Variants in EN1 observed in about 807,000 individuals in gnomAD.
EN1 encodes the protein engrailed homeobox 1.
Under a neutral mutation model 22.9 loss-of-function variants are expected in EN1, and 8 were observed. That is an observed-to-expected ratio of 0.35 (90% CI 0.20 to 0.63). The LOEUF (loss-of-function observed/expected upper bound fraction) is 0.63, where lower values mean the gene tolerates loss of function less well. Ranked by LOEUF, EN1 falls within the 20% of genes least tolerant of loss-of-function variation. The pLI is 0.73. For missense variants in EN1, 521 were observed against 572.1 expected, an observed-to-expected ratio of 0.91 and a Z score of 0.91; for synonymous variants, 287 against 262.5, an observed-to-expected ratio of 1.09 and a Z score of -0.90.
At chr2:118,844,821 C>A (rs1678244148) in intron 1 of EN1, among the ~76,000 whole-genome samples, 1 of 152,202 alleles carries the variant, frequency 6.6e-6, no homozygotes, top group Non-Finnish European at 1.5e-5. Flanking sequence ...GGAGCTGGTC[C>A]CCTACCTACC....
rs1296331242 is a variant in EN1 at position 118,842,539 on chromosome 2, A to C, written c.*399T>G. The C allele has an allele frequency of 6.6e-6, 1 of 152,108 alleles. No individual in the cohort carries two copies. The highest frequency in any genetic ancestry group is 1.5e-5 in the Non-Finnish European group (1 of 68,042). The allele number at this position is 152,108 out of a possible 1,614,324, so 9.4% of individuals were successfully genotyped here. A position where few individuals can be genotyped will look rare whatever the true frequency, so the allele number is the denominator to read the frequency against. ...AGGGGATAAAATAATTATAATAATT[A>C]TAATAATTATAACAATAATAATAAA... On this transcript the variant is annotated 3_prime_UTR_variant, in exon 2 of 2. Transcript: ENST00000295206.
rs1163612238 is a variant in EN1 at position 118,842,986 on chromosome 2, C to G, written c.1131G>C (p.Leu377=). The G allele has an allele frequency of 4.3e-6, 7 of 1,614,020 alleles. No individual in the cohort carries two copies. Among genetic ancestry groups the G allele is most frequent in the Non-Finnish European group, 5.9e-6 (7 of 1,180,026 alleles). ...GLALHLMAQG[L]YNHSTTTVQD... ...GGACCGTGGTGGTGGAGTGGTTGTA[C>G]AGTCCCTGGGCCATGAGGTGCAGCG... The change falls in exon 2 of 2, where the codon CTG becomes CTC. Residue 377 remains leucine, a synonymous_variant. Transcript: ENST00000295206.
chr2:118,846,193 TGA>T lies in EN1; in HGVS notation c.862+111_862+112del. On this transcript the variant is annotated intron_variant, in intron 1 of 1. Coordinates refer to ENST00000295206, the MANE Select transcript of EN1 (RefSeq NM_001426.4). This position sits in a 1 kb window ranked among gnomAD's most constrained non-coding sequence, Gnocchi z 5.0. ...TGGAACTGGGGTGAGGAAGCAGGCG[TGA>T]GAGACTGGAGTACCCGAGGCCGGGT... 1 of 1,468,022 alleles carries T rather than the reference TGA, an allele frequency of 6.8e-7. No individual in the cohort carries two copies. Among genetic ancestry groups the T allele is most frequent in the South Asian group, 1.3e-5 (1 of 79,294 alleles). The allele number at this position is 1,468,022 out of a possible 1,614,324, so 90.9% of individuals were successfully genotyped here.
At chr2:118,845,944 C>T (rs1010050815) in intron 1 of EN1, among the ~76,000 whole-genome samples, 6 of 152,338 alleles carry the variant, frequency 3.9e-5, no homozygotes, top group African/African-American at 1.2e-4. Context: ...AGACACACAT[C>T]ACTAGGCCCA....
rs1406896170 is a variant in EN1, at chr2:118,842,927, G to T, written c.*11C>A. On this transcript the variant is annotated 3_prime_UTR_variant, in exon 2 of 2. Coordinates refer to ENST00000295206, the MANE Select transcript of EN1 (RefSeq NM_001426.4). ...GGGAGGGGGCGCGGGCGCGGCCCCGGCCTGTGGCGGCTACTCGCTCTCGTC... is the reference window on the plus strand; with the variant it reads ...GGGAGGGGGCGCGGGCGCGGCCCCGTCCTGTGGCGGCTACTCGCTCTCGTC... The T allele has an allele frequency of 1.3e-6, 2 of 1,597,798 alleles. No individual in the cohort carries two copies. Among genetic ancestry groups the T allele is most frequent in the East Asian group, 2.2e-5 (1 of 44,462 alleles).
chr2:118,842,561 T>C lies in EN1; in HGVS notation c.*377A>G, dbSNP rs1470944521. The C allele has an allele frequency of 6.5e-6, 1 of 154,682 alleles. No individual in the cohort carries two copies. Among genetic ancestry groups the C allele is most frequent in the Non-Finnish European group, 1.4e-5 (1 of 69,578 alleles). 9.6% of individuals were successfully genotyped at this position (154,682 alleles called of 1,614,324 possible). A position where few individuals can be genotyped will look rare whatever the true frequency, so the allele number is the denominator to read the frequency against. ...ATTATAATAATTATAACAATAATAA[T>C]AAAGGAGATTAATAAAAATGTCCAG... On this transcript the variant is annotated 3_prime_UTR_variant, in exon 2 of 2. Coordinates refer to ENST00000295206, the MANE Select transcript of EN1 (RefSeq NM_001426.4).
At position 118,843,258 on chromosome 2, in the gene EN1, C is replaced by A. The variant is rs764066167; in HGVS notation, c.863-4G>T. On this transcript the variant is annotated splice_polypyrimidine_tract_variant and splice_region_variant and intron_variant, in intron 1 of 1. Transcript: ENST00000295206. ...TTCAGCTTCCTGGTGCGCGGACCTG[C>A]AGCGGCGGAGAGGGCCGGGGTGGGG... is the stretch of plus-strand genomic sequence containing the variant. 6.6e-5 allele frequency: 80 copies of A among 1,216,550 alleles called. No individual in the cohort carries two copies. In the East Asian group the frequency reaches 2.4e-3, roughly 37 times the overall value. The allele number at this position is 1,216,550 out of a possible 1,614,324, so 75.4% of individuals were successfully genotyped here.
Position 118,847,310 on chromosome 2 carries a change from G to A in EN1, c.-143C>T. On this transcript the variant is annotated 5_prime_UTR_variant, in exon 1 of 2. Coordinates refer to ENST00000295206, the MANE Select transcript of EN1 (RefSeq NM_001426.4). ...TCAGCGAAGGCACGGGGCGGGTGCAGGAAAAAAGCTCAGGCGTCTGGCCTG... is the reference window on the plus strand; with the variant it reads ...TCAGCGAAGGCACGGGGCGGGTGCAAGAAAAAAGCTCAGGCGTCTGGCCTG... The A allele has an allele frequency of 2.5e-6, 1 of 404,432 alleles. No individual in the cohort carries two copies. Among genetic ancestry groups the A allele is most frequent in the Non-Finnish European group, 4.3e-6 (1 of 230,908 alleles). The allele number at this position is 404,432 out of a possible 1,614,324, so 25.1% of individuals were successfully genotyped here.
chr2:118,843,171 G>T lies in EN1; in HGVS notation c.946C>A (p.Gln316Lys). Residue 316 changes from glutamine (Q) to lysine (K), a missense_variant, in exon 2 of 2, where the codon CAG becomes AAG. Gln to Lys is a moderately conservative substitution (Grantham distance 53, BLOSUM62 1). This residue lies in a region of EN1 where 50 missense variants were observed against 121.8 expected (regional missense o/e 0.41). Transcript: ENST00000295206. The stretch of plus-strand genomic sequence containing the variant: ...GCCTGGAACTCCGCCTTGAGTCTCT[G>T]CAGCTGCTCGGCCGTGAACGCGGTC... ...PRTAFTAEQL[Q>K]RLKAEFQANR... 1 of 1,607,370 alleles carries T rather than the reference G, an allele frequency of 6.2e-7. No individual in the cohort carries two copies. Among genetic ancestry groups the T allele is most frequent in the East Asian group, 2.2e-5 (1 of 44,632 alleles).
rs912738751 is a variant in EN1, at chr2:118,842,890, G to A, written c.*48C>T. On this transcript the variant is annotated 3_prime_UTR_variant, in exon 2 of 2. Transcript: ENST00000295206. The stretch of plus-strand genomic sequence containing the variant: ...CCCCAGCGAGGGGCCGGGAGACGAC[G>A]GCGGCGGTGCCGGGAGGGGGCGCGG... 18 of 1,563,118 alleles carry A rather than the reference G, an allele frequency of 1.2e-5. No individual in the cohort carries two copies. The highest frequency in any genetic ancestry group is 5.4e-5 in the African/African-American group (4 of 73,402).
chr2:118,847,303 G>T lies in EN1; in HGVS notation c.-136C>A. The T allele has an allele frequency of 2.5e-6, 1 of 406,896 alleles. No individual in the cohort carries two copies. The highest frequency in any genetic ancestry group is 4.3e-6 in the Non-Finnish European group (1 of 232,652). 25.2% of individuals were successfully genotyped at this position (406,896 alleles called of 1,614,324 possible). On this transcript the variant is annotated 5_prime_UTR_variant, in exon 1 of 2. Coordinates refer to ENST00000295206, the MANE Select transcript of EN1 (RefSeq NM_001426.4). Reference sequence around the variant, plus strand: ...CGAAGCCTCAGCGAAGGCACGGGGCGGGTGCAGGAAAAAAGCTCAGGCGTC... The same window carrying T: ...CGAAGCCTCAGCGAAGGCACGGGGCTGGTGCAGGAAAAAAGCTCAGGCGTC...
chr2:118,843,252 G>C lies in EN1; in HGVS notation c.865C>G (p.Pro289Ala). ...TTCTTCTTCAGCTTCCTGGTGCGCGGACCTGCAGCGGCGGAGAGGGCCGGG... is the reference window on the plus strand; with the variant it reads ...TTCTTCTTCAGCTTCCTGGTGCGCGCACCTGCAGCGGCGGAGAGGGCCGGG... ...TRYSDRPSSG[P>A]RTRKLKKKKN... The change falls in exon 2 of 2, where the codon CCG (proline) becomes GCG (alanine). Residue 289 changes from proline to alanine, a missense_variant and splice_region_variant. Coordinates refer to ENST00000295206, the MANE Select transcript of EN1 (RefSeq NM_001426.4). The C allele has an allele frequency of 8.6e-7, 1 of 1,163,098 alleles. No individual in the cohort carries two copies. Among genetic ancestry groups the C allele is most frequent in the Non-Finnish European group, 1.1e-6 (1 of 876,898 alleles). 72.0% of individuals were successfully genotyped at this position (1,163,098 alleles called of 1,614,324 possible). A position where few individuals can be genotyped will look rare whatever the true frequency, so the allele number is the denominator to read the frequency against.
intron 1 of EN1, among the ~76,000 whole-genome samples, chr2:118,845,522 G>A (rs891609474): frequency 6.6e-6 from 1 of 152,232 alleles, no homozygotes; most frequent in Non-Finnish European, 1.5e-5. Flanking sequence ...AGCGCCGCGC[G>A]GGGAGGATGC....
In EN1 at chr2:118,847,176, G is replaced by A; in HGVS notation, c.-9C>T. The stretch of plus-strand genomic sequence containing the variant: ...GGCTGCTGTTCTTCCATGCTCGGCC[G>A]CCCCGCCGCCCCGGCCGCCGCGCCG... On this transcript the variant is annotated 5_prime_UTR_variant, in exon 1 of 2. Coordinates refer to ENST00000295206, the MANE Select transcript of EN1 (RefSeq NM_001426.4). 3 of 839,378 alleles carry A rather than the reference G, an allele frequency of 3.6e-6. No homozygotes were observed. The highest frequency in any genetic ancestry group is 1.7e-6 in the Non-Finnish European group (1 of 597,914). 52.0% of individuals were successfully genotyped at this position (839,378 alleles called of 1,614,324 possible).
Position 118,845,220 on chromosome 2 carries a change from G to C in EN1, c.862+1086C>G, listed in dbSNP as rs529619473. ...GATCCGCGCCCGGCCGGCAGCTGTG[G>C]GGCGGCGAGAGACCAGCCAGAGGAA... On this transcript the variant is annotated intron_variant, in intron 1 of 1. Coordinates refer to ENST00000295206, the MANE Select transcript of EN1 (RefSeq NM_001426.4). 9.8e-5 allele frequency among the ~76,000 whole-genome samples: 15 copies of C among 152,366 alleles called. No individual in the cohort carries two copies. In the East Asian group the frequency reaches 2.5e-3, roughly 26 times the overall value.
Position 118,846,670 on chromosome 2 carries a change from A to G in EN1, c.498T>C (p.Ala166=), listed in dbSNP as rs370114691. 4.4e-6 allele frequency: 7 copies of G among 1,577,330 alleles called. No homozygotes were observed. The African/African-American group carries it at 5.5e-5, about 12-fold the overall frequency. ...CGTCCGGGGCGCACAGGAGCGAGGC[A>G]GCGCCTGGCGCCCGGGTGCCCAACG... ...VHPLGTRAPG[A]ASLLCAPDAN... Residue 166 remains alanine, a synonymous_variant, in exon 1 of 2, where the codon GCT becomes GCC. Coordinates refer to ENST00000295206, the MANE Select transcript of EN1 (RefSeq NM_001426.4). This position sits in a 1 kb window ranked among gnomAD's most constrained non-coding sequence, Gnocchi z 5.0.
chr2:118,846,220 T>G lies in EN1; in HGVS notation c.862+86A>C. ...AGAGACTGGAGTACCCGAGGCCGGG[T>G]TTGCTCTCCCTAGCGCCGCAGCTTG... On this transcript the variant is annotated intron_variant, in intron 1 of 1. Coordinates refer to ENST00000295206, the MANE Select transcript of EN1 (RefSeq NM_001426.4). The surrounding 1 kb of genome is among the most constrained non-coding windows in gnomAD (Gnocchi z 5.0). 1 of 1,530,634 alleles carries G rather than the reference T, an allele frequency of 6.5e-7. No homozygotes were observed. The highest frequency in any genetic ancestry group is 8.8e-7 in the Non-Finnish European group (1 of 1,141,654). 94.8% of individuals were successfully genotyped at this position (1,530,634 alleles called of 1,614,324 possible).
In EN1 at chr2:118,842,869, A is replaced by T. The variant is rs373562729; in HGVS notation, c.*69T>A. 6.5e-7 allele frequency: 1 copy of T among 1,527,856 alleles called. No homozygotes were observed. The allele number at this position is 1,527,856 out of a possible 1,614,324, so 94.6% of individuals were successfully genotyped here. ...CCTTGGAGCAGATGCTTTCTCCCCC[A>T]GCGAGGGGCCGGGAGACGACGGCGG... is the stretch of plus-strand genomic sequence containing the variant. On this transcript the variant is annotated 3_prime_UTR_variant, in exon 2 of 2. Coordinates refer to ENST00000295206, the MANE Select transcript of EN1 (RefSeq NM_001426.4).
At chr2:118,845,867 T>C (rs1172477853) in intron 1 of EN1, among the ~76,000 whole-genome samples, 1 of 152,198 alleles carries the variant, frequency 6.6e-6, no homozygotes, top group Non-Finnish European at 1.5e-5. Flanking sequence ...ACAGTGAATA[T>C]AATTTTTCTG....
Sources: gnomAD v4.1 joint callset for allele counts (sites outside exome capture counted in the v4.1 genomes callset) on GRCh38, gnomAD v4.1.1 for gene constraint, gnomAD v4.1.1 regional missense constraint, Gnocchi (gnomAD v3.1) non-coding constraint, MANE v1.5 for transcripts, NCBI Gene and HGNC (gene_info 2026-07-23, HGNC 2026-07-21) for gene names.